NCAPD3: variants seen among roughly 807,000 people sequenced by gnomAD.
NCAPD3 encodes condensin-2 complex subunit D3.
In NCAPD3, 105 loss-of-function variants were observed where a neutral mutation model predicts 182.9. The observed-to-expected ratio is 0.57, with a 90% CI of 0.49 to 0.68. The LOEUF (loss-of-function observed/expected upper bound fraction) is 0.68. Among genes scored for constraint, NCAPD3 ranks in the 30% least tolerant of loss-of-function variants. The probability of loss-of-function intolerance (pLI) is 0.00; values close to 1 mark genes in which losing one functional copy is unlikely to be tolerated. For synonymous variants in NCAPD3, 815 were observed against 679.9 expected (o/e 1.20, Z -3.09); for missense variants, 1,944 against 1,837.0 (o/e 1.06, Z -1.07).
rs1304286093 is a variant in NCAPD3 at position 134,176,391 on chromosome 11, G to A, written c.3022-5C>T. 3 of 1,613,050 alleles carry A rather than the reference G, an allele frequency of 1.9e-6. No homozygotes were observed. The highest frequency in any genetic ancestry group is 2.2e-5 in the East Asian group (1 of 44,882). On this transcript the variant is annotated splice_polypyrimidine_tract_variant and splice_region_variant and intron_variant, in intron 23 of 34. Coordinates refer to ENST00000534548, the MANE Select transcript of NCAPD3 (RefSeq NM_015261.3). ...CTTCCATTTCACAAATTCCTCCTGT[G>A]CAGAGAGAAGCCGGCATGTTTCAGA...
intron 29 of NCAPD3, among the ~76,000 whole-genome samples, chr11:134,159,671 C>T (rs543011286): frequency 4.6e-5 from 7 of 152,210 alleles, no homozygotes; most frequent in East Asian, 1.9e-4. Flanking sequence ...GCTGCCAGCT[C>T]GCTTCCTGCA....
At chr11:134,217,412 C>A (rs1432070291) in intron 2 of NCAPD3, among the ~76,000 whole-genome samples, 1 of 152,136 alleles carries the variant, frequency 6.6e-6, no homozygotes, top group African/African-American at 2.4e-5. Flanking sequence ...ACTTTTGGGA[C>A]ACCATATATT....
At chr11:134,165,272 C>T (rs1358420324) in intron 27 of NCAPD3, among the ~76,000 whole-genome samples, 1 of 143,796 alleles carries the variant, frequency 7.0e-6, no homozygotes, top group Non-Finnish European at 1.5e-5. Flanking sequence ...GGGGGAGCTG[C>T]ACACTCGCTT....
chr11:134,166,743 TGGG>T (rs578065383), intron 27 of NCAPD3, among the ~76,000 whole-genome samples: 3 of 77,862 alleles, frequency 3.9e-5, no homozygotes, highest in Admixed American at 3.5e-4. Flanking sequence ...GAGATGAGCT[TGGG>T]GGAGGCGCAC....
chr11:134,208,747 A>T, intron 7 of NCAPD3, 117 bp downstream of exon 7: 1 of 707,372 alleles, frequency 1.4e-6, no homozygotes, highest in Non-Finnish European at 2.5e-6. Context: ...TAAGGTCATG[A>T]AAATGAGCTA....
At chr11:134,182,292 T>C (rs551226417) in intron 19 of NCAPD3, among the ~76,000 whole-genome samples, 7 of 152,250 alleles carry the variant, frequency 4.6e-5, no homozygotes, top group Non-Finnish European at 8.8e-5. Flanking sequence ...GGACATGCTC[T>C]GGGGCAAGCC....
intron 24 of NCAPD3, among the ~76,000 whole-genome samples, chr11:134,171,727 C>A (rs1239937937): frequency 1.3e-5 from 2 of 152,204 alleles, no homozygotes; most frequent in Non-Finnish European, 1.5e-5. Flanking sequence ...GTACTCTGCA[C>A]TCCAGGTTCC....
At chr11:134,169,721 A>G (rs770269051) in intron 24 of NCAPD3, among the ~76,000 whole-genome samples, 1 of 152,212 alleles carries the variant, frequency 6.6e-6, no homozygotes, top group South Asian at 2.1e-4. Flanking sequence ...AAGATTTTCA[A>G]TGCCAGATGT....
chr11:134,194,029 G>T lies in NCAPD3; in HGVS notation c.1811C>A (p.Thr604Asn). 1.2e-6 allele frequency: 2 copies of T among 1,613,964 alleles called. No homozygotes were observed. The highest frequency in any genetic ancestry group is 1.7e-6 in the Non-Finnish European group (2 of 1,179,912). ...CCTGCCTCTCACCATAAGGAGTTCAGTAAGAGACTGGAGGGCCTGCTTCCG... is the reference window on the plus strand; with the variant it reads ...CCTGCCTCTCACCATAAGGAGTTCATTAAGAGACTGGAGGGCCTGCTTCCG... Reference protein sequence around the residue: ...SVRKQALQSLTELLMAQPRCV... With the variant: ...SVRKQALQSLNELLMAQPRCV... Residue 604 changes from threonine (T) to asparagine (N), a missense_variant, in exon 15 of 35, where the codon ACT becomes AAT. Physicochemically the swap from Thr to Asn is moderately conservative, Grantham distance 65 (BLOSUM62 0). This residue lies in a region of NCAPD3 where 1,803 missense variants were observed against 1,674.6 expected (regional missense o/e 1.08). Transcript: ENST00000534548.
chr11:134,178,584 C>G, intron 22 of NCAPD3, 50 bp downstream of exon 22: 2 of 1,385,448 alleles, frequency 1.4e-6, no homozygotes, highest in Non-Finnish European at 9.8e-7. Flanking sequence ...CTTAAGACAA[C>G]AGCTACACAC....
At chr11:134,176,408 T>C (rs1293856761) in intron 23 of NCAPD3, 22 bp from the exon 24 acceptor site, 2 of 1,603,352 alleles carry the variant, frequency 1.2e-6, no homozygotes, top group Non-Finnish European at 1.7e-6. Context: ...GAAGCCGGCA[T>C]GTTTCAGAGT....
intron 1 of NCAPD3, among the ~76,000 whole-genome samples, chr11:134,222,666 T>C (rs961363441): frequency 1.3e-5 from 2 of 152,200 alleles, no homozygotes; most frequent in East Asian, 1.9e-4. Flanking sequence ...CAGAGCTTAA[T>C]AGGGAATAGT....
intron 27 of NCAPD3, among the ~76,000 whole-genome samples, chr11:134,165,756 G>A (rs993817660): frequency 1.4e-5 from 2 of 145,382 alleles, no homozygotes; most frequent in Non-Finnish European, 3.0e-5. Flanking sequence ...CTTGTGAGAT[G>A]AGCTTGGGGG....
intron 16 of NCAPD3, among the ~76,000 whole-genome samples, chr11:134,188,290 A>C (rs1271638960): frequency 1.3e-5 from 2 of 152,218 alleles, no homozygotes; most frequent in Admixed American, 6.5e-5. Flanking sequence ...AAAACGTACC[A>C]ATCAGCATGC....
At chr11:134,216,681 C>T (rs1420260770) in intron 3 of NCAPD3, among the ~76,000 whole-genome samples, 1 of 152,054 alleles carries the variant, frequency 6.6e-6, no homozygotes, top group East Asian at 1.9e-4. Context: ...GCGTGGAACT[C>T]TTGCACTCCT....
chr11:134,155,830 C>T (rs1392370646), intron 32 of NCAPD3, among the ~76,000 whole-genome samples: 1 of 147,802 alleles, frequency 6.8e-6, no homozygotes, highest in Non-Finnish European at 1.5e-5. Flanking sequence ...CCTTTAATGA[C>T]AAATGCCGTC....
chr11:134,192,873 A>C lies in NCAPD3; in HGVS notation c.1861T>G (p.Leu621Val). ...PRCVQIQKAWLRGVVPVVMDC... is the reference protein window; with the variant it reads ...PRCVQIQKAWVRGVVPVVMDC... Reference sequence around the variant, plus strand: ...ATCACCACCGGGACCACCCCCCGCAACCAGGCTTTCTGGATCTGCACGCAT... The same window carrying C: ...ATCACCACCGGGACCACCCCCCGCACCCAGGCTTTCTGGATCTGCACGCAT... The change falls in exon 16 of 35, where the codon TTG becomes GTG. Residue 621 changes from leucine to valine, a missense_variant. Around this residue, in one of 3 missense-constraint regions of NCAPD3, gnomAD observed 1,803 missense variants for 1,674.6 expected, o/e 1.08. Transcript: ENST00000534548. 1 of 1,613,836 alleles carries C rather than the reference A, an allele frequency of 6.2e-7. No individual in the cohort carries two copies. The highest frequency in any genetic ancestry group is 8.5e-7 in the Non-Finnish European group (1 of 1,179,756).
upstream of NCAPD3, chr11:134,225,251 G>A (rs1381736598): frequency 3.7e-6 from 6 of 1,614,052 alleles, no homozygotes; most frequent in African/African-American, 6.7e-5. Context: ...TCTACGACGG[G>A]GAGACGGTCT....
Position 134,188,897 on chromosome 11 carries a change from A to G in NCAPD3, c.2046-3371T>C, listed in dbSNP as rs78434720. Among the ~76,000 whole-genome samples, 637 of 152,332 alleles carry G rather than the reference A, an allele frequency of 4.2e-3. 5 individuals are homozygous for G. The highest frequency in any genetic ancestry group is 0.015 in the African/African-American group (610 of 41,582). On this transcript the variant is annotated intron_variant, in intron 16 of 34. Transcript: ENST00000534548. ...ACAGAATGAGACACCAGGGATGTGC[A>G]TGAGGTCACAGCCAAGGAGAGAAGC... is the stretch of plus-strand genomic sequence containing the variant.
Sources: gnomAD v4.1 joint callset for allele counts (sites outside exome capture counted in the v4.1 genomes callset) on GRCh38, gnomAD v4.1.1 for gene constraint, gnomAD v4.1.1 regional missense constraint, MANE v1.5 for transcripts, NCBI Gene and HGNC (gene_info 2026-07-23, HGNC 2026-07-21) for gene names.